The following DGKH variants were observed in gnomAD, a reference collection of about 807,000 sequenced individuals.
The protein encoded by DGKH is DAG kinase eta.
A neutral mutation model predicts 159.3 loss-of-function variants in DGKH; 90 were observed. The observed-to-expected ratio is 0.57, with a 90% CI of 0.48 to 0.67. The LOEUF (loss-of-function observed/expected upper bound fraction) is 0.67, where lower values mean the gene tolerates loss of function less well. DGKH is among the 30% of genes least tolerant of loss of function. DGKH has a pLI of 0.00. For synonymous variants in DGKH, 536 were observed against 553.8 expected (o/e 0.97, Z 0.45); for missense variants, 1,181 against 1,506.1 (o/e 0.78, Z 3.57).
At chr13:42,144,825 G>A (rs2073847367) in intron 3 of DGKH, among the ~76,000 whole-genome samples, 2 of 152,262 alleles carry the variant, frequency 1.3e-5, no homozygotes, top group Non-Finnish European at 1.5e-5. Flanking sequence ...ACAGATTTTG[G>A]TTCCATTAGA....
intron 1 of DGKH, chr13:42,070,039 A>C (rs1882850969): frequency 2.2e-6 from 2 of 909,404 alleles, no homozygotes; most frequent in Non-Finnish European, 3.7e-6. Flanking sequence ...CCAGTTATAA[A>C]TGTGACTGTG....
intron 11 of DGKH, among the ~76,000 whole-genome samples, chr13:42,173,583 A>T (rs1229157219): frequency 6.6e-6 from 1 of 152,240 alleles, no homozygotes; most frequent in African/African-American, 2.4e-5. Context: ...TGATTGAGTA[A>T]CAGTTTATAG....
At chr13:42,100,505 A>T (rs1286924281) in intron 1 of DGKH, among the ~76,000 whole-genome samples, 1 of 152,150 alleles carries the variant, frequency 6.6e-6, no homozygotes, top group East Asian at 1.9e-4. Flanking sequence ...CCTGGTGCTA[A>T]AAAGGTTGGG....
chr13:42,172,107 C>T (rs138898576), intron 11 of DGKH, among the ~76,000 whole-genome samples: 118 of 150,888 alleles, frequency 7.8e-4, no homozygotes, highest in African/African-American at 2.8e-3. Context: ...GGATTATAGG[C>T]ATGAGCCACC....
Position 42,236,034 on chromosome 13 carries a change from A to G in DGKH, c.*6846A>G, listed in dbSNP as rs1263291562. 6.6e-6 allele frequency: 1 copy of G among 152,180 alleles called. No individual in the cohort carries two copies. Among genetic ancestry groups the G allele is most frequent in the Admixed American group, 6.5e-5 (1 of 15,278 alleles). The allele number at this position is 152,180 out of a possible 1,614,324, so 9.4% of individuals were successfully genotyped here. A position where few individuals can be genotyped will look rare whatever the true frequency, so the allele number is the denominator to read the frequency against. On this transcript the variant is annotated 3_prime_UTR_variant, in exon 30 of 30. Coordinates refer to ENST00000337343, the MANE Select transcript of DGKH (RefSeq NM_178009.5). The stretch of plus-strand genomic sequence containing the variant: ...AGACAAAATATTTAATAACAAATAT[A>G]AAAGCTTTGTATATTTTGTGGCATT...
At chr13:42,078,714 A>C (rs140136189) in intron 1 of DGKH, among the ~76,000 whole-genome samples, 6 of 152,280 alleles carry the variant, frequency 3.9e-5, no homozygotes, top group African/African-American at 1.4e-4. Context: ...CACTTGCCAG[A>C]AATAACTCTA....
In DGKH at chr13:42,103,187, T is replaced by G. The variant is rs11838452; in HGVS notation, c.193-24276T>G. Among the ~76,000 whole-genome samples, 998 of 152,298 alleles carry G rather than the reference T, an allele frequency of 6.6e-3. 10 individuals are homozygous for G. Among genetic ancestry groups the G allele is most frequent in the African/African-American group, 0.023 (954 of 41,562 alleles). ...CCTTGTGGTTTTGTGGAGTGTCATT[T>G]TGAAGGAAGCATAAGGTAAATGGAG... On this transcript the variant is annotated intron_variant, in intron 1 of 29. Coordinates refer to ENST00000337343, the MANE Select transcript of DGKH (RefSeq NM_178009.5).
chr13:42,096,058 A>G (rs1422364075), intron 1 of DGKH, among the ~76,000 whole-genome samples: 2 of 152,188 alleles, frequency 1.3e-5, no homozygotes, highest in Non-Finnish European at 2.9e-5. Flanking sequence ...GGTCACAACA[A>G]GTAATGTTTT....
At chr13:42,251,986 T>C (rs1958623748) in intron 29 of DGKH, among the ~76,000 whole-genome samples, 1 of 152,210 alleles carries the variant, frequency 6.6e-6, no homozygotes, top group Non-Finnish European at 1.5e-5. Flanking sequence ...TCAAAAAATG[T>C]CCTTTGAATG....
chr13:42,087,083 A>C (rs886721280), intron 1 of DGKH, among the ~76,000 whole-genome samples: 3 of 143,846 alleles, frequency 2.1e-5, no homozygotes, highest in African/African-American at 5.2e-5. Context: ...ACACACACAC[A>C]CCTCAGAACA....
chr13:42,045,930 A>G (rs1880772452), upstream of DGKH, among the ~76,000 whole-genome samples: 1 of 152,238 alleles, frequency 6.6e-6, no homozygotes, highest in Non-Finnish European at 1.5e-5. Context: ...CATAAAGTTG[A>G]CATGAAATTT....
Position 42,229,191 on chromosome 13 carries a change from A to AT in DGKH, c.*4dup. 2 of 1,606,854 alleles carry AT rather than the reference A, an allele frequency of 1.2e-6. No homozygotes were observed. Among genetic ancestry groups the AT allele is most frequent in the Non-Finnish European group, 1.7e-6 (2 of 1,177,966 alleles). On this transcript the variant is annotated 3_prime_UTR_variant, in exon 30 of 30. Coordinates refer to ENST00000337343, the MANE Select transcript of DGKH (RefSeq NM_178009.5). The stretch of plus-strand genomic sequence containing the variant: ...GCACTCCACAGTCGGAGGTGTAATC[A>AT]TATTGGTGCTATTTCTTGGAAGAGA...
chr13:42,242,635 C>A lies in DGKH; in HGVS notation c.*13447C>A, dbSNP rs1238959856. On this transcript the variant is annotated 3_prime_UTR_variant, in exon 30 of 30. Coordinates refer to ENST00000337343, the MANE Select transcript of DGKH (RefSeq NM_178009.5). ...TTTTCACCTTTGGAATATATTGTTA[C>A]ATTTCCTTGTACAGATAATTTTGGT... The A allele has an allele frequency of 6.6e-6, 1 of 152,212 alleles. No individual in the cohort carries two copies. Among genetic ancestry groups the A allele is most frequent in the African/African-American group, 2.4e-5 (1 of 41,452 alleles). 9.4% of individuals were successfully genotyped at this position (152,212 alleles called of 1,614,324 possible).
At chr13:42,156,682 G>T (rs544151531) in intron 5 of DGKH, among the ~76,000 whole-genome samples, 17 of 152,118 alleles carry the variant, frequency 1.1e-4, no homozygotes, top group African/African-American at 3.9e-4. Context: ...AATAATACCA[G>T]CTTTTTTTCT....
chr13:42,138,075 T>C (rs1302064328), intron 3 of DGKH: 2 of 985,260 alleles, frequency 2.0e-6, no homozygotes, highest in Non-Finnish European at 2.4e-6. Context: ...TCATTCCCTG[T>C]GAGCTGAAAG....
intron 21 of DGKH, among the ~76,000 whole-genome samples, chr13:42,207,695 G>GATATATA (rs1957541484): frequency 7.1e-6 from 1 of 140,278 alleles, no homozygotes; most frequent in Non-Finnish European, 1.5e-5. Flanking sequence ...ATTAAAGTGT[G>GATATATA]TATATATATA....
At chr13:42,070,599 CA>C in intron 1 of DGKH, 4 of 1,602,978 alleles carry the variant, frequency 2.5e-6, no homozygotes, top group Non-Finnish European at 2.6e-6. Flanking sequence ...TCTTCAGCAC[CA>C]AGTCTTCAGT....
At chr13:42,126,077 T>C (rs664981) in intron 1 of DGKH, among the ~76,000 whole-genome samples, 35,946 of 152,172 alleles carry the variant, frequency 0.24, 4,823 homozygotes, top group African/African-American at 0.36. Context: ...AAGGTAATCC[T>C]ATAGAAAGGC....
At chr13:42,197,571 T>C (rs1957232831) in intron 17 of DGKH, among the ~76,000 whole-genome samples, 1 of 152,086 alleles carries the variant, frequency 6.6e-6, no homozygotes, top group South Asian at 2.1e-4. Flanking sequence ...TTGCTGGGCA[T>C]GGTGGCACAT....
Sources: gnomAD v4.1 joint callset for allele counts (sites outside exome capture counted in the v4.1 genomes callset) on GRCh38, gnomAD v4.1.1 for gene constraint, MANE v1.5 for transcripts, NCBI Gene and HGNC (gene_info 2026-07-23, HGNC 2026-07-21) for gene names.